The following GRM7 variants were observed in gnomAD, a reference collection of about 807,000 sequenced individuals.
GRM7 encodes the protein glutamate metabotropic receptor 7, also known as metabotropic glutamate receptor 7.
GRM7 carries 35 observed loss-of-function variants against 84.5 expected under a neutral mutation model. That is an observed-to-expected ratio of 0.41 (90% confidence interval 0.32 to 0.55). The LOEUF (loss-of-function observed/expected upper bound fraction) is 0.55, where lower values mean the gene tolerates loss of function less well. GRM7 is among the 20% of genes least tolerant of loss of function. The pLI, the probability that GRM7 is intolerant of heterozygous loss-of-function variation, is 0.19. For missense variants in GRM7, 1,003 were observed against 1,194.6 expected (o/e 0.84, Z 2.36); for synonymous variants, 487 against 455.1 (o/e 1.07, Z -0.89).
intron 8 of GRM7, among the ~76,000 whole-genome samples, chr3:7,637,045 T>G (rs1698131142): frequency 6.6e-6 from 1 of 152,166 alleles, no homozygotes. Flanking sequence ...CATTCTAAAT[T>G]TTTGCCCCAT....
chr3:7,156,134 G>A (rs1694441104), intron 2 of GRM7, among the ~76,000 whole-genome samples: 1 of 152,142 alleles, frequency 6.6e-6, no homozygotes, highest in Non-Finnish European at 1.5e-5. Context: ...AGACAGAAGA[G>A]CAGACAGAAG....
At position 6,878,378 on chromosome 3, in the gene GRM7, C is replaced by CATGTGTGTGTGTGT. The variant is rs58886076; in HGVS notation, c.519+16471_519+16472insATGTGTGTGTGTGT. On this transcript the variant is annotated intron_variant, in intron 1 of 9. Coordinates refer to ENST00000357716, the MANE Select transcript of GRM7 (RefSeq NM_000844.4). ...CAAAGGGTGATTTTTTATGTGTTTG[C>CATGTGTGTGTGTGT]GTGTGTGTGTGTGTGTGTGTGTGTG... Among the ~76,000 whole-genome samples, 1,213 of 142,044 alleles carry CATGTGTGTGTGTGT rather than the reference C, an allele frequency of 8.5e-3. 26 individuals carry two copies. The highest frequency in any genetic ancestry group is 0.03 in the African/African-American group (1,154 of 38,384). The allele number at this position is 142,044 out of a possible 152,430, so 93.2% of individuals were successfully genotyped here. A position where few individuals can be genotyped will look rare whatever the true frequency, so the allele number is the denominator to read the frequency against.
At chr3:7,723,277 C>T (rs1454641778) in intron 9 of GRM7, among the ~76,000 whole-genome samples, 2 of 152,090 alleles carry the variant, frequency 1.3e-5, no homozygotes, top group African/African-American at 4.8e-5. Flanking sequence ...CTTCGAGATC[C>T]CTTTATTGCT....
chr3:7,165,182 C>T (rs961114121), intron 2 of GRM7, among the ~76,000 whole-genome samples: 5 of 152,186 alleles, frequency 3.3e-5, no homozygotes, highest in Non-Finnish European at 4.4e-5. Flanking sequence ...CCTCACCATC[C>T]GCAACTCTGT....
chr3:6,880,138 C>T (rs1434667051), intron 1 of GRM7, among the ~76,000 whole-genome samples: 4 of 152,126 alleles, frequency 2.6e-5, no homozygotes, highest in Non-Finnish European at 4.4e-5. Flanking sequence ...GTTTTGATAG[C>T]AGGGAATGAG....
At chr3:6,889,802 G>T (rs1695859525) in intron 1 of GRM7, among the ~76,000 whole-genome samples, 1 of 152,118 alleles carries the variant, frequency 6.6e-6, no homozygotes, top group African/African-American at 2.4e-5. Context: ...GTTTCAGAAG[G>T]AATGGTACCA....
At chr3:7,167,920 G>A (rs1376652793) in intron 2 of GRM7, among the ~76,000 whole-genome samples, 3 of 121,856 alleles carry the variant, frequency 2.5e-5, no homozygotes, top group African/African-American at 8.8e-5. Context: ...AGTGAGCCAA[G>A]ATCACGCCAC....
chr3:7,387,240 C>T (rs1694819902), intron 4 of GRM7, among the ~76,000 whole-genome samples: 1 of 152,086 alleles, frequency 6.6e-6, no homozygotes, highest in Non-Finnish European at 1.5e-5. Context: ...TTATAGGTTG[C>T]CTGTTTACTC....
intron 8 of GRM7, among the ~76,000 whole-genome samples, chr3:7,677,280 A>AAAC (rs1559481663): frequency 4.0e-5 from 6 of 148,886 alleles, no homozygotes; most frequent in African/African-American, 1.5e-4. Flanking sequence ...AAAAAAAAAA[A>AAAC]AAAAAAAAAA....
chr3:7,285,676 G>C (rs1699407278), intron 2 of GRM7, among the ~76,000 whole-genome samples: 1 of 152,022 alleles, frequency 6.6e-6, no homozygotes, highest in East Asian at 1.9e-4. Context: ...GTTCTAGGAT[G>C]CCTCTACCTA....
At chr3:6,924,259 G>C (rs745634613) in intron 1 of GRM7, among the ~76,000 whole-genome samples, 5 of 152,296 alleles carry the variant, frequency 3.3e-5, no homozygotes, top group Non-Finnish European at 5.9e-5. Flanking sequence ...ATGGGATACT[G>C]TGAAGACCCT....
chr3:6,976,509 A>C (rs1694004159), intron 1 of GRM7, among the ~76,000 whole-genome samples: 1 of 152,208 alleles, frequency 6.6e-6, no homozygotes. Flanking sequence ...TGGTTTCTGC[A>C]ATAACTTATA....
In GRM7 at chr3:7,237,591, G is replaced by A. The variant is rs150320412; in HGVS notation, c.737-61093G>A. ...GGAGTTTCTTCCTTCTGGTGGGTTCGTGGTCTCGCTGGCTTCAGGAGTGAA... is the reference window on the plus strand; with the variant it reads ...GGAGTTTCTTCCTTCTGGTGGGTTCATGGTCTCGCTGGCTTCAGGAGTGAA... On this transcript the variant is annotated intron_variant, in intron 2 of 9. Transcript: ENST00000357716. 6.7e-3 allele frequency among the ~76,000 whole-genome samples: 1,016 copies of A among 152,150 alleles called. 4 individuals carry two copies. Among genetic ancestry groups the A allele is most frequent in the Non-Finnish European group, 0.011 (770 of 67,998 alleles).
At chr3:7,408,244 C>G (rs1482360692) in intron 4 of GRM7, among the ~76,000 whole-genome samples, 2 of 152,104 alleles carry the variant, frequency 1.3e-5, no homozygotes, top group African/African-American at 4.8e-5. Flanking sequence ...AAATGCCCTT[C>G]TGTTTCCCAA....
chr3:7,522,803 G>A (rs1433245562), intron 7 of GRM7, among the ~76,000 whole-genome samples: 1 of 152,112 alleles, frequency 6.6e-6, no homozygotes, highest in Non-Finnish European at 1.5e-5. Flanking sequence ...CCCAATGTAT[G>A]CTATTTTTGA....
chr3:7,583,410 A>G (rs777691088), intron 8 of GRM7, among the ~76,000 whole-genome samples: 2 of 152,252 alleles, frequency 1.3e-5, no homozygotes, highest in Non-Finnish European at 2.9e-5. Flanking sequence ...ATCCACGCCC[A>G]AGGCAGACAT....
chr3:7,653,674 A>C (rs80031346), intron 8 of GRM7, among the ~76,000 whole-genome samples: 1 of 152,196 alleles, frequency 6.6e-6, no homozygotes, highest in African/African-American at 2.4e-5. Context: ...AGGATGTAAA[A>C]TGAGATGAGT....
chr3:7,124,317 C>G (rs1693325615), intron 1 of GRM7, among the ~76,000 whole-genome samples: 2 of 152,142 alleles, frequency 1.3e-5, no homozygotes, highest in Admixed American at 1.3e-4. Flanking sequence ...TAGAGCGGGT[C>G]CTTTTATCTC....
At chr3:7,137,362 C>T (rs1264693451) in intron 1 of GRM7, among the ~76,000 whole-genome samples, 2 of 152,040 alleles carry the variant, frequency 1.3e-5, no homozygotes, top group East Asian at 1.9e-4. Context: ...GGAAAAATTA[C>T]ATCTGATGAC....
Sources: gnomAD v4.1 joint callset for allele counts (sites outside exome capture counted in the v4.1 genomes callset) on GRCh38, gnomAD v4.1.1 for gene constraint, MANE v1.5 for transcripts, NCBI Gene and HGNC (gene_info 2026-07-23, HGNC 2026-07-21) for gene names.